The following CLCN4 variants were observed in gnomAD, a reference collection of about 807,000 sequenced individuals.
CLCN4 encodes the protein H(+)/Cl(-) exchange transporter 4.
Under a neutral mutation model 41.7 loss-of-function variants are expected in CLCN4, and 1 was observed. That is an observed-to-expected ratio of 0.02 (90% CI 0.01 to 0.11). The LOEUF (loss-of-function observed/expected upper bound fraction) is 0.11, where lower values mean the gene tolerates loss of function less well. Among genes scored for constraint, CLCN4 ranks in the 10% least tolerant of loss-of-function variants. The pLI, the probability that CLCN4 is intolerant of heterozygous loss-of-function variation, is 1.00. For synonymous variants in CLCN4, 277 were observed against 285.8 expected, an observed-to-expected ratio of 0.97 and a Z score of 0.31; for missense variants, 287 against 661.0, an observed-to-expected ratio of 0.43 and a Z score of 6.20.
chrX:10,159,573 C>A (rs1923040669), intron 2 of CLCN4, among the ~76,000 whole-genome samples: 1 of 111,019 alleles, frequency 9.0e-6, no homozygotes, highest in African/African-American at 3.3e-5. Context: ...GCTTTGTTGT[C>A]ACTAAACTGT....
chrX:10,192,598 G>C (rs73481182), intron 4 of CLCN4, among the ~76,000 whole-genome samples: 6,795 of 111,184 alleles, frequency 0.061, 496 homozygotes, highest in African/African-American at 0.2. Context: ...GTCAGGGTGG[G>C]TGACCTGTTG....
intron 6 of CLCN4, 25 bp from the exon 7 acceptor site, chrX:10,206,333 T>A: frequency 8.7e-7 from 1 of 1,147,048 alleles, no homozygotes. Flanking sequence ...GTTCATTCCC[T>A]CTTGTTCTCC....
chrX:10,199,043 A>G (rs1256809448), intron 6 of CLCN4, among the ~76,000 whole-genome samples: 2 of 112,440 alleles, frequency 1.8e-5, no homozygotes, highest in Non-Finnish European at 3.8e-5. Flanking sequence ...AAAATTCAAC[A>G]TGGTCTTGTT....
At chrX:10,210,231 C>T (rs1889446859) in intron 9 of CLCN4, among the ~76,000 whole-genome samples, 1 of 112,165 alleles carries the variant, frequency 8.9e-6, no homozygotes, top group African/African-American at 3.2e-5. Flanking sequence ...TGTTTATCCA[C>T]TCATCCTTTG....
chrX:10,205,450 G>A (rs1360682751), intron 6 of CLCN4, among the ~76,000 whole-genome samples: 1 of 89,579 alleles, frequency 1.1e-5, no homozygotes, highest in African/African-American at 4.4e-5. Context: ...TCCAGCCTGG[G>A]CAACAGTGCA....
intron 10 of CLCN4, among the ~76,000 whole-genome samples, chrX:10,213,364 G>A: frequency 8.9e-6 from 1 of 112,155 alleles, no homozygotes. Context: ...CACCATGCTT[G>A]CTTAGTCAGA....
intron 4 of CLCN4, among the ~76,000 whole-genome samples, chrX:10,193,961 GTT>G (rs35321602): frequency 0.015 from 1,525 of 99,435 alleles, 32 homozygotes; most frequent in African/African-American, 0.052. Flanking sequence ...AACAGGGAGG[GTT>G]TTTTTTTTTT....
chrX:10,206,235 T>C (rs1038881047), intron 6 of CLCN4, 123 bp from the exon 7 acceptor site: 13 of 487,924 alleles, frequency 2.7e-5, no homozygotes, highest in Non-Finnish European at 1.8e-5. Context: ...ATGAAAATGG[T>C]TTCTGTTCCA....
At chrX:10,167,699 C>G (rs1204624689) in intron 2 of CLCN4, among the ~76,000 whole-genome samples, 1 of 112,535 alleles carries the variant, frequency 8.9e-6, no homozygotes, top group East Asian at 2.8e-4. Context: ...GTGAGGGAGC[C>G]CCCGTCCAAC....
In CLCN4 at chrX:10,212,514, G is replaced by A. The variant is rs34148950; in HGVS notation, c.1437G>A (p.Ala479=). ...FIPSMAVGAI[A]GRMVGIGVEQ... ...CCAGCATGGCTGTGGGCGCGATAGC[G>A]GGCAGGATGGTGGGAATTGGCGTGG... The change falls in exon 10 of 13, where the codon GCG becomes GCA. Residue 479 remains alanine, a synonymous_variant. Coordinates refer to ENST00000380833, the MANE Select transcript of CLCN4 (RefSeq NM_001830.4). 53,584 of 1,209,672 alleles carry A rather than the reference G, an allele frequency of 0.044. 2,862 individuals are homozygous for A. The highest frequency in any genetic ancestry group is 0.33 in the African/African-American group (18,821 of 56,858).
intron 12 of CLCN4, among the ~76,000 whole-genome samples, chrX:10,223,206 GGTATAAACAC>G (rs894701602): frequency 4.5e-5 from 5 of 111,870 alleles, no homozygotes; most frequent in African/African-American, 1.3e-4. Flanking sequence ...CAGTACTCTT[GGTATAAACAC>G]CACTGTGATT....
intron 2 of CLCN4, among the ~76,000 whole-genome samples, chrX:10,176,878 C>T (rs1447639142): frequency 2.7e-5 from 3 of 112,210 alleles, no homozygotes; most frequent in Non-Finnish European, 5.6e-5. Flanking sequence ...GCTTCAACCA[C>T]AGCGTTTTAT....
intron 2 of CLCN4, among the ~76,000 whole-genome samples, chrX:10,164,330 C>T (rs1923189251): frequency 9.0e-6 from 1 of 111,266 alleles, no homozygotes; most frequent in Non-Finnish European, 1.9e-5. Context: ...AGTAGAGCTA[C>T]CCAGAGAGTA....
Position 10,199,849 on chromosome X carries a change from C to T in CLCN4, c.555+1788C>T, listed in dbSNP as rs58650440. On this transcript the variant is annotated intron_variant, in intron 6 of 12. Coordinates refer to ENST00000380833, the MANE Select transcript of CLCN4 (RefSeq NM_001830.4). ...TCTCGGCTCAGTGCAACCTCCGTTT[C>T]CCAGGTTCAAGCGATTCTCATGCCT... 6.3e-3 allele frequency among the ~76,000 whole-genome samples: 700 copies of T among 110,804 alleles called. 7 individuals are homozygous for T. Among genetic ancestry groups the T allele is most frequent in the African/African-American group, 0.021 (626 of 30,381 alleles).
chrX:10,175,960 C>G lies in CLCN4; in HGVS notation c.-11-9062C>G, dbSNP rs1418154160. On this transcript the variant is annotated intron_variant, in intron 2 of 12. Coordinates refer to ENST00000380833, the MANE Select transcript of CLCN4 (RefSeq NM_001830.4). ...CCTCCCTCTCCCTCTCTCTCTCTCT[C>G]TCTCTCTCTCTGTGTGTGTGTGTAT... is the stretch of plus-strand genomic sequence containing the variant. Among the ~76,000 whole-genome samples the G allele has an allele frequency of 5.9e-5, 4 of 67,536 alleles. No homozygotes were observed. In the East Asian group the frequency reaches 8.7e-3, roughly 147 times the overall value. The allele number at this position is 67,536 out of a possible 115,157, so 58.6% of individuals were successfully genotyped here.
intron 12 of CLCN4, among the ~76,000 whole-genome samples, chrX:10,225,380 G>A (rs1027611391): frequency 8.9e-6 from 1 of 112,213 alleles, no homozygotes; most frequent in Non-Finnish European, 1.9e-5. Flanking sequence ...ATGTTTGTTG[G>A]CTATATAAAT....
chrX:10,195,941 G>C (rs1338423794), intron 5 of CLCN4, among the ~76,000 whole-genome samples: 1 of 112,382 alleles, frequency 8.9e-6, no homozygotes, highest in Admixed American at 9.4e-5. Flanking sequence ...GAACATTTCT[G>C]TACAGGTTTT....
At chrX:10,176,870 T>C (rs1194145481) in intron 2 of CLCN4, among the ~76,000 whole-genome samples, 6 of 112,156 alleles carry the variant, frequency 5.3e-5, no homozygotes. Flanking sequence ...GTGGAAGGGC[T>C]TCAACCACAG....
intron 8 of CLCN4, among the ~76,000 whole-genome samples, chrX:10,207,201 G>T (rs190053302): frequency 8.9e-6 from 1 of 112,321 alleles, no homozygotes; most frequent in Non-Finnish European, 1.9e-5. Context: ...GATTACAGGC[G>T]TGAGCCACAA....
Sources: gnomAD v4.1 joint callset for allele counts (sites outside exome capture counted in the v4.1 genomes callset) on GRCh38, gnomAD v4.1.1 for gene constraint, MANE v1.5 for transcripts, NCBI Gene and HGNC (gene_info 2026-07-23, HGNC 2026-07-21) for gene names.